GATA4: variants seen among roughly 807,000 people sequenced by gnomAD.
GATA4 encodes the protein GATA binding protein 4.
In GATA4, 7 loss-of-function variants were observed where a neutral mutation model predicts 37.9. That is an observed-to-expected ratio of 0.18 (90% CI 0.11 to 0.35). The LOEUF is 0.35. GATA4 is among the 10% of genes least tolerant of loss of function. The pLI is 1.00. For synonymous variants in GATA4, 372 were observed against 292.6 expected (o/e 1.27, Z -2.77); for missense variants, 647 against 653.0 (o/e 0.99, Z 0.10).
upstream of GATA4, among the ~76,000 whole-genome samples, chr8:11,690,732 C>T (rs921192990): frequency 1.3e-5 from 2 of 152,132 alleles, no homozygotes; most frequent in Non-Finnish European, 2.9e-5. Context: ...ATAGCCAGAT[C>T]TGGTGGTGCG....
At chr8:11,716,199 T>A (rs1800426100) in intron 2 of GATA4, among the ~76,000 whole-genome samples, 1 of 152,234 alleles carries the variant, frequency 6.6e-6, no homozygotes, top group Non-Finnish European at 1.5e-5. Flanking sequence ...TGAAACCTTT[T>A]GAATTTGGAG....
At chr8:11,758,251 G>A (rs1487953219) in intron 6 of GATA4, 42 bp from the exon 7 acceptor site, 14 of 1,610,642 alleles carry the variant, frequency 8.7e-6, no homozygotes, top group Non-Finnish European at 1.2e-5. Context: ...AAGCCCTCAG[G>A]AGCGTCTCCA....
chr8:11,746,909 C>T (rs1563226071), intron 2 of GATA4, among the ~76,000 whole-genome samples: 1 of 152,268 alleles, frequency 6.6e-6, no homozygotes, highest in Non-Finnish European at 1.5e-5. Flanking sequence ...TGTGGACACA[C>T]AGCTACCTGT....
At chr8:11,681,564 A>G in intron 1 of GATA4, 2 of 650,116 alleles carry the variant, frequency 3.1e-6, no homozygotes, top group Non-Finnish European at 3.8e-6. Flanking sequence ...TACTGAATAT[A>G]ATTTCTCCCT....
intron 1 of GATA4, among the ~76,000 whole-genome samples, chr8:11,683,930 G>C (rs1312223004): frequency 6.6e-6 from 1 of 152,210 alleles, no homozygotes; most frequent in East Asian, 1.9e-4. Context: ...AATTTCCCTG[G>C]GAGAAAATGG....
chr8:11,703,469 T>C (rs1207936375), upstream of GATA4, among the ~76,000 whole-genome samples: 2 of 151,944 alleles, frequency 1.3e-5, no homozygotes, highest in African/African-American at 2.4e-5. Context: ...TCCCCAGCCC[T>C]TGCCACGTCC....
At chr8:11,755,202 C>A in intron 5 of GATA4, 69 bp downstream of exon 5, 1 of 1,348,630 alleles carries the variant, frequency 7.4e-7, no homozygotes, top group Non-Finnish European at 1.1e-6. Flanking sequence ...AGAATCATAT[C>A]TTCCGGGTTA....
chr8:11,704,550 G>C (rs939773438), intron 1 of GATA4, among the ~76,000 whole-genome samples: 17 of 152,240 alleles, frequency 1.1e-4, no homozygotes, highest in African/African-American at 3.9e-4. Context: ...GATTCTTTCC[G>C]TGTGAACTTG....
chr8:11,695,524 TAC>T (rs1401609041), intron 1 of GATA4, among the ~76,000 whole-genome samples: 1 of 152,282 alleles, frequency 6.6e-6, no homozygotes, highest in South Asian at 2.1e-4. Flanking sequence ...CATTCAGAAA[TAC>T]AGTCCTACGC....
intron 4 of GATA4, among the ~76,000 whole-genome samples, chr8:11,754,542 G>T (rs1802459488): frequency 6.6e-6 from 1 of 152,124 alleles, no homozygotes; most frequent in Admixed American, 6.5e-5. Context: ...TGTTTTCAGG[G>T]TCCTTGTGTG....
intron 2 of GATA4, among the ~76,000 whole-genome samples, chr8:11,728,283 C>A (rs1020811007): frequency 6.6e-6 from 1 of 152,226 alleles, no homozygotes; most frequent in Non-Finnish European, 1.5e-5. Context: ...GCCTCTGCAC[C>A]CAGCCAAATA....
intron 1 of GATA4, chr8:11,680,460 C>G (rs1055472246): frequency 1.0e-6 from 1 of 985,196 alleles, no homozygotes; most frequent in Non-Finnish European, 1.2e-6. Flanking sequence ...CTGGCAAGGC[C>G]GAAGCCGGTT....
At chr8:11,692,412 C>A (rs1456714236), upstream of GATA4, 3 of 727,232 alleles carry the variant, frequency 4.1e-6, no homozygotes, top group Non-Finnish European at 3.4e-6. Context: ...ACGTTGATTT[C>A]TCTACCTATC....
At chr8:11,714,499 G>A (rs1316535349) in intron 2 of GATA4, among the ~76,000 whole-genome samples, 3 of 152,172 alleles carry the variant, frequency 2.0e-5, no homozygotes, top group African/African-American at 7.2e-5. Flanking sequence ...ATGATTTGTC[G>A]ATCTTCAGGA....
Position 11,708,877 on chromosome 8 carries a change from C to A in GATA4, c.565C>A (p.Leu189Met), listed in dbSNP as rs1241975866. 1.3e-6 allele frequency: 2 copies of A among 1,528,172 alleles called. No individual in the cohort carries two copies. The highest frequency in any genetic ancestry group is 8.7e-7 in the Non-Finnish European group (1 of 1,143,938). The allele number at this position is 1,528,172 out of a possible 1,614,324, so 94.7% of individuals were successfully genotyped here. A position where few individuals can be genotyped will look rare whatever the true frequency, so the allele number is the denominator to read the frequency against. The change falls in exon 2 of 7, where the codon CTG becomes ATG. Residue 189 changes from leucine to methionine, a missense_variant. Physicochemically the swap from Leu to Met is conservative, Grantham distance 15. This residue lies in a region of GATA4 where 379 missense variants were observed against 334.5 expected (regional missense o/e 1.13). Transcript: ENST00000532059. The surrounding 1 kb of genome is among the most constrained non-coding windows in gnomAD (Gnocchi z 6.7). ...CGCCGGCCCCTTCGACAGCCCGGTC[C>A]TGCACAGCCTGCCCGGCCGGGCCAA... ...ASAGPFDSPVLHSLPGRANPA... is the reference protein window; with the variant it reads ...ASAGPFDSPVMHSLPGRANPA...
chr8:11,736,120 A>G (rs1322049992), intron 2 of GATA4, among the ~76,000 whole-genome samples: 1 of 152,040 alleles, frequency 6.6e-6, no homozygotes, highest in Admixed American at 6.6e-5. Flanking sequence ...TATGTTGCCC[A>G]GGCTGGTATT....
rs1424549925 is a variant in GATA4, at chr8:11,756,981, C to A, written c.1047C>A (p.Ser349Arg). The change falls in exon 6 of 7, where the codon AGC becomes AGA. Residue 349 changes from serine to arginine, a missense_variant. Around this residue, in one of 5 missense-constraint regions of GATA4, gnomAD observed 184 missense variants for 157.1 expected, o/e 1.17. Transcript: ENST00000532059. ...TTCCTCCCGCCAGCGGTGCTTCCAGCAACTCCAGCAACGCCACCACCAGCA... is the reference window on the plus strand; with the variant it reads ...TTCCTCCCGCCAGCGGTGCTTCCAGAAACTCCAGCAACGCCACCACCAGCA... ...ESLPPASGAS[S>R]NSSNATTSSS... 1 of 1,614,136 alleles carries A rather than the reference C, an allele frequency of 6.2e-7. No homozygotes were observed. The highest frequency in any genetic ancestry group is 8.5e-7 in the Non-Finnish European group (1 of 1,180,058).
At chr8:11,696,991 C>T (rs758074671) in intron 1 of GATA4, among the ~76,000 whole-genome samples, 122 of 152,284 alleles carry the variant, frequency 8.0e-4, no homozygotes, top group Non-Finnish European at 1.2e-3. Flanking sequence ...GGAGGCCCCC[C>T]GGGGAGATGG....
chr8:11,703,962 C>T (rs1799777671), upstream of GATA4, among the ~76,000 whole-genome samples: 1 of 152,266 alleles, frequency 6.6e-6, no homozygotes, highest in East Asian at 1.9e-4. Flanking sequence ...ACCCAATCGA[C>T]CTCCGGCTGG....
Sources: gnomAD v4.1 joint callset for allele counts (sites outside exome capture counted in the v4.1 genomes callset) on GRCh38, gnomAD v4.1.1 for gene constraint, gnomAD v4.1.1 regional missense constraint, Gnocchi (gnomAD v3.1) non-coding constraint, MANE v1.5 for transcripts, NCBI Gene and HGNC (gene_info 2026-07-23, HGNC 2026-07-21) for gene names.